Variants in ANK1 observed in about 807,000 individuals in gnomAD.
The protein encoded by ANK1 is ankyrin 1.
A neutral mutation model predicts 210.4 loss-of-function variants in ANK1; 51 were observed. The observed-to-expected ratio is 0.24, with a 90% CI of 0.19 to 0.31. The LOEUF (loss-of-function observed/expected upper bound fraction) is 0.31. ANK1 is among the 10% of genes least tolerant of loss of function. The probability of loss-of-function intolerance (pLI) is 1.00; values close to 1 mark genes in which losing one functional copy is unlikely to be tolerated. For synonymous variants in ANK1, 967 were observed against 1,025.9 expected (o/e 0.94, Z 1.10); for missense variants, 2,051 against 2,504.4 (o/e 0.82, Z 3.86).
chr8:41,703,903 AG>A (rs1288505130), intron 20 of ANK1, 137 bp downstream of exon 20: 2 of 759,272 alleles, frequency 2.6e-6, no homozygotes, highest in Non-Finnish European at 4.6e-6. Flanking sequence ...AGGGTACCCA[AG>A]GTAGCTGTGG....
intron 16 of ANK1, among the ~76,000 whole-genome samples, chr8:41,710,131 G>T (rs567297691): frequency 1.2e-3 from 160 of 135,380 alleles, no homozygotes; most frequent in African/African-American, 4.2e-3. Context: ...AGGAAGCAGC[G>T]CATGGGTTTA....
intron 1 of ANK1, among the ~76,000 whole-genome samples, chr8:41,837,636 C>G (rs1554646629): frequency 6.6e-6 from 1 of 152,164 alleles, no homozygotes; most frequent in Non-Finnish European, 1.5e-5. Context: ...CTTTGGGAGG[C>G]TGAGGTGGGT....
intron 1 of ANK1, among the ~76,000 whole-genome samples, chr8:41,872,268 G>A (rs1815679438): frequency 6.6e-6 from 1 of 152,214 alleles, no homozygotes; most frequent in African/African-American, 2.4e-5. Flanking sequence ...CACAGGTAAG[G>A]GGACTGAGTC....
intron 14 of ANK1, 137 bp from the exon 15 acceptor site, chr8:41,715,211 C>T (rs1331734652): frequency 6.4e-6 from 5 of 785,210 alleles, no homozygotes; most frequent in Admixed American, 2.4e-5. Context: ...TTTTTGAGCC[C>T]TCTGGGAGGC....
rs1367211400 is a variant in ANK1, at chr8:41,704,049, C to A, written c.2287G>T (p.Val763Phe). 1 of 1,613,892 alleles carries A rather than the reference C, an allele frequency of 6.2e-7. No individual in the cohort carries two copies. The highest frequency in any genetic ancestry group is 8.5e-7 in the Non-Finnish European group (1 of 1,179,974). ...AGAGAGAGTGTACTCACCGAGCTGACCTCGTTTGGGGAAGCACCGTTTTTC... is the reference window on the plus strand; with the variant it reads ...AGAGAGAGTGTACTCACCGAGCTGAACTCGTTTGGGGAAGCACCGTTTTTC... ...LLKNGASPNE[V>F]SSDGTTPLAI... Residue 763 changes from valine to phenylalanine, a missense_variant, in exon 20 of 43, where the codon GTC (valine) becomes TTC (phenylalanine). This residue lies in a region of ANK1 where 1,413 missense variants were observed against 1,707.4 expected (regional missense o/e 0.83). Transcript: ENST00000289734. This position sits in a 1 kb window ranked among gnomAD's most constrained non-coding sequence, Gnocchi z 4.1.
rs559844450 is a variant in ANK1 at position 41,730,225 on chromosome 8, G to A, written c.229-2219C>T. ...CAGCCGCTGCTGACCCCGCTTCCCC[G>A]GGTCAGGGAGGCAGCCCCATGAGGC... On this transcript the variant is annotated intron_variant, in intron 3 of 42. Transcript: ENST00000289734. 1.9e-4 allele frequency among the ~76,000 whole-genome samples: 29 copies of A among 152,220 alleles called. 1 individual carries two copies. The highest frequency in any genetic ancestry group is 5.1e-4 in the African/African-American group (21 of 41,536).
chr8:41,826,472 C>A (rs1219320570), intron 1 of ANK1, among the ~76,000 whole-genome samples: 2 of 152,196 alleles, frequency 1.3e-5, no homozygotes, highest in Non-Finnish European at 2.9e-5. Flanking sequence ...TGCCCTCTGT[C>A]TCTGCTGCCT....
At chr8:41,737,589 A>C (rs1010480326) in intron 2 of ANK1, among the ~76,000 whole-genome samples, 1 of 152,190 alleles carries the variant, frequency 6.6e-6, no homozygotes, top group Admixed American at 6.5e-5. Flanking sequence ...CTCTCCCTCC[A>C]TCCCAGATCC....
chr8:41,852,295 G>A (rs905321238), intron 1 of ANK1, among the ~76,000 whole-genome samples: 5 of 152,210 alleles, frequency 3.3e-5, no homozygotes, highest in Admixed American at 3.3e-4. Flanking sequence ...GGCCTGGCCC[G>A]CCCTAAGACG....
intron 2 of ANK1, among the ~76,000 whole-genome samples, chr8:41,754,666 A>G (rs1425361390): frequency 6.6e-6 from 1 of 152,234 alleles, no homozygotes; most frequent in Non-Finnish European, 1.5e-5. Flanking sequence ...AAGAGCAGAA[A>G]GCTCTAGTAG....
At position 41,858,361 on chromosome 8, in the gene ANK1, A is replaced by G. The variant is rs1216061284; in HGVS notation, c.126+37994T>C. On this transcript the variant is annotated intron_variant, in intron 1 of 42. Coordinates refer to the ANK1 transcript ENST00000265709. ...ACTCCATCTCAAAAAAAAAAAAAAA[A>G]AAGAAGAAGAAAAGAAAATTCACCT... 1.3e-4 allele frequency among the ~76,000 whole-genome samples: 20 copies of G among 151,832 alleles called. No homozygotes were observed. In the South Asian group the frequency reaches 1.7e-3, roughly 13 times the overall value.
rs1295510933 is a variant in ANK1 at position 41,714,883 on chromosome 8, C to T, written c.1701+93G>A. 4 of 1,304,932 alleles carry T rather than the reference C, an allele frequency of 3.1e-6. No individual in the cohort carries two copies. The African/African-American group carries it at 5.8e-5, about 19-fold the overall frequency. 80.8% of individuals were successfully genotyped at this position (1,304,932 alleles called of 1,614,324 possible). On this transcript the variant is annotated intron_variant, in intron 15 of 42. Transcript: ENST00000289734. Reference sequence around the variant, plus strand: ...TCAAAGAAAAAAAAGATGAACAACACAGGCAAGAGATGGAATCTGCAAGTG... The same window carrying T: ...TCAAAGAAAAAAAAGATGAACAACATAGGCAAGAGATGGAATCTGCAAGTG...
intron 1 of ANK1, among the ~76,000 whole-genome samples, chr8:41,807,370 T>G (rs1851118682): frequency 1.3e-5 from 2 of 152,228 alleles, no homozygotes; most frequent in Non-Finnish European, 2.9e-5. Context: ...CAGATAAGAC[T>G]CTAACGTGGC....
At chr8:41,774,912 C>A (rs1380194570) in intron 1 of ANK1, among the ~76,000 whole-genome samples, 2 of 152,204 alleles carry the variant, frequency 1.3e-5, no homozygotes, top group Non-Finnish European at 2.9e-5. Context: ...CCAGAATGGG[C>A]CCATTTACTA....
In ANK1 at chr8:41,797,612, C is replaced by A; in HGVS notation, c.-74G>T. The A allele has an allele frequency of 6.2e-7, 1 of 1,602,786 alleles. No individual in the cohort carries two copies. Among genetic ancestry groups the A allele is most frequent in the Non-Finnish European group, 8.5e-7 (1 of 1,175,894 alleles). On this transcript the variant is annotated 5_prime_UTR_variant, in exon 1 of 43. Transcript: ENST00000289734. The surrounding 1 kb of genome is among the most constrained non-coding windows in gnomAD (Gnocchi z 4.0). ...GGAGCAGCTGGGGCTGGCGGACTCA[C>A]CGCAGCCTCTGCGGGGCCTGTGACG...
chr8:41,822,060 AAGAAAGAGAGAGAGAGAG>A (rs1804364438), intron 1 of ANK1, among the ~76,000 whole-genome samples: 3 of 129,102 alleles, frequency 2.3e-5, no homozygotes, highest in South Asian at 2.7e-4. Context: ...AAAAGAAAGA[AAGAAAGAGAGAGAGAGAG>A]AGAGAGAGAG....
chr8:41,855,961 G>T (rs142089706), intron 1 of ANK1, among the ~76,000 whole-genome samples: 2 of 152,214 alleles, frequency 1.3e-5, no homozygotes, highest in East Asian at 3.9e-4. Flanking sequence ...CTTCAAAGGG[G>T]CATGGTGAGA....
In ANK1 at chr8:41,661,944, A is replaced by G. The variant is rs515071; in HGVS notation, c.5479-3T>C. On this transcript the variant is annotated splice_polypyrimidine_tract_variant and splice_region_variant and intron_variant, in intron 40 of 42. Coordinates refer to ENST00000289734, the MANE Select transcript of ANK1 (RefSeq NM_000037.4). ...TGTCGAACCACCTTGCGAATGATCT[A>G]GGAAAGGAAGGGAAGGAGGAAAGGG... The G allele has an allele frequency of 0.77, 1,234,202 of 1,613,258 alleles. 473,027 individuals carry two copies. Among genetic ancestry groups the G allele is most frequent in the East Asian group, 0.82 (36,846 of 44,854 alleles).
chr8:41,709,804 T>C (rs560143222), intron 16 of ANK1, among the ~76,000 whole-genome samples: 20 of 152,240 alleles, frequency 1.3e-4, no homozygotes, highest in African/African-American at 4.1e-4. Flanking sequence ...GGCATGGTGG[T>C]GCATGCTGTA....
Sources: gnomAD v4.1 joint callset for allele counts (sites outside exome capture counted in the v4.1 genomes callset) on GRCh38, gnomAD v4.1.1 for gene constraint, gnomAD v4.1.1 regional missense constraint, Gnocchi (gnomAD v3.1) non-coding constraint, MANE v1.5 for transcripts, NCBI Gene and HGNC (gene_info 2026-07-23, HGNC 2026-07-21) for gene names.